The following GPI variants were observed in gnomAD, a reference collection of about 807,000 sequenced individuals.
GPI encodes the protein glucose-6-phosphate isomerase, also known as D-hexose-6-phosphate anomerase.
Under a neutral mutation model 75.8 loss-of-function variants are expected in GPI, and 56 were observed. The ratio of observed to expected loss-of-function variants is 0.74; its 90% confidence interval spans 0.60 to 0.92. The LOEUF is 0.92. Ranked by LOEUF, GPI falls within the 40% of genes least tolerant of loss-of-function variation. The probability of loss-of-function intolerance (pLI) is 0.00; values close to 1 mark genes in which losing one functional copy is unlikely to be tolerated. For synonymous variants in GPI, 288 were observed against 285.4 expected (o/e 1.01, Z -0.09); for missense variants, 638 against 741.0 (o/e 0.86, Z 1.61).
At chr19:34,383,129 C>T (rs1374162267) in intron 9 of GPI, among the ~76,000 whole-genome samples, 4 of 152,052 alleles carry the variant, frequency 2.6e-5, no homozygotes, top group African/African-American at 4.8e-5. Context: ...TTTGCGGCAG[C>T]CATGGGTGTC....
Position 34,365,362 on chromosome 19 carries a change from CA to C in GPI, c.98del (p.Asn33ThrfsTer10). On this transcript the variant is annotated frameshift_variant, in exon 1 of 18. Coordinates refer to ENST00000356487, the MANE Select transcript of GPI (RefSeq NM_000175.5). LOFTEE classifies it high-confidence loss of function. ...ELNLRRLFDANKDRFNHFSLT... is the reference protein window; with the variant it reads ...ELNLRRLFDAXKDRFNHFSLT... ...TGAACCTGCGCCGCCTCTTCGATGC[CA>C]ACAAGGACCGCTTCAACCACTTCAG... 1 of 1,589,898 alleles carries C rather than the reference CA, an allele frequency of 6.3e-7. No homozygotes were observed. The highest frequency in any genetic ancestry group is 8.5e-7 in the Non-Finnish European group (1 of 1,170,218).
intron 9 of GPI, among the ~76,000 whole-genome samples, chr19:34,391,110 T>C (rs922036673): frequency 2.7e-5 from 4 of 150,408 alleles, no homozygotes; most frequent in Admixed American, 2.0e-4. Context: ...TGGACTCAGG[T>C]TTGAGGCCCT....
In GPI at chr19:34,377,594, GA is replaced by G; in HGVS notation, c.486+12del. On this transcript the variant is annotated intron_variant, in intron 5 of 17. Coordinates refer to ENST00000356487, the MANE Select transcript of GPI (RefSeq NM_000175.5). ...ATTGGCGGCTCCGACCTGGTGAGGA[GA>G]AAACTGCCTTGGGGTAGGGTGGGAG... The G allele has an allele frequency of 6.2e-7, 1 of 1,610,352 alleles. No individual in the cohort carries two copies. Among genetic ancestry groups the G allele is most frequent in the Non-Finnish European group, 8.5e-7 (1 of 1,176,846 alleles).
chr19:34,367,899 G>A (rs996422033), intron 3 of GPI, among the ~76,000 whole-genome samples: 1 of 152,208 alleles, frequency 6.6e-6, no homozygotes, highest in African/African-American at 2.4e-5. Flanking sequence ...GGCTTCATGA[G>A]CACTCATCTT....
At chr19:34,382,724 A>G (rs1397397389) in intron 9 of GPI, among the ~76,000 whole-genome samples, 1 of 151,902 alleles carries the variant, frequency 6.6e-6, no homozygotes, top group East Asian at 1.9e-4. Flanking sequence ...GCTTGTCACC[A>G]CCCAGCATGT....
intron 1 of GPI, 48 bp from the exon 2 acceptor site, chr19:34,366,297 C>T (rs771274643): frequency 2.4e-5 from 30 of 1,232,772 alleles, no homozygotes; most frequent in South Asian, 4.8e-5. Context: ...CATGGCTCCC[C>T]GCTAGGGAGA....
At chr19:34,379,606 C>A (rs778268746) in intron 8 of GPI, 44 bp downstream of exon 8, 2 of 1,463,062 alleles carry the variant, frequency 1.4e-6, no homozygotes, top group African/African-American at 1.4e-5. Context: ...CTGGGAGTGC[C>A]CAGCATGTCC....
At chr19:34,398,323 G>A (rs145394583) in intron 14 of GPI, 1,849 of 152,324 alleles carry the variant, frequency 0.012, 22 homozygotes, top group Non-Finnish European at 0.017. Context: ...GTGCAGAGCA[G>A]CACAGGGTTA....
chr19:34,361,282 G>A (rs148437944), upstream of GPI, among the ~76,000 whole-genome samples: 944 of 151,896 alleles, frequency 6.2e-3, 8 homozygotes, highest in African/African-American at 0.021. Flanking sequence ...TAGTAGAGAC[G>A]GGGGTTTCAC....
intron 9 of GPI, among the ~76,000 whole-genome samples, chr19:34,385,032 CAAA>C (rs745653788): frequency 6.2e-5 from 4 of 64,642 alleles, no homozygotes; most frequent in Middle Eastern, 0.01. Flanking sequence ...AGACTATCTC[CAAA>C]AAAAAAAAAA....
chr19:34,370,454 C>G (rs1041932446), intron 4 of GPI, among the ~76,000 whole-genome samples: 1 of 152,162 alleles, frequency 6.6e-6, no homozygotes, highest in African/African-American at 2.4e-5. Flanking sequence ...TGCAGTGGCT[C>G]ACGCCTGTAA....
intron 9 of GPI, among the ~76,000 whole-genome samples, chr19:34,388,201 G>T (rs913512094): frequency 6.6e-6 from 1 of 152,222 alleles, no homozygotes; most frequent in African/African-American, 2.4e-5. Flanking sequence ...AAGTTGCCAG[G>T]CGCAGTGGCT....
chr19:34,370,094 G>C (rs1283586189), intron 4 of GPI, among the ~76,000 whole-genome samples: 1 of 152,206 alleles, frequency 6.6e-6, no homozygotes, highest in Non-Finnish European at 1.5e-5. Context: ...TATGTAAGCA[G>C]TGTCCGTGTG....
chr19:34,389,008 A>C (rs556852618), intron 9 of GPI, among the ~76,000 whole-genome samples: 84 of 152,042 alleles, frequency 5.5e-4, no homozygotes, highest in Middle Eastern at 3.4e-3. Context: ...TGGGAGGATC[A>C]CTTGAGCCCA....
intron 9 of GPI, among the ~76,000 whole-genome samples, chr19:34,383,443 C>T (rs941477258): frequency 6.6e-6 from 1 of 152,066 alleles, no homozygotes; most frequent in African/African-American, 2.4e-5. Flanking sequence ...CAGGTGTGCA[C>T]GCTGGGATCT....
At chr19:34,379,985 G>GT (rs1356302354) in intron 8 of GPI, 4,019 of 127,806 alleles carry the variant, frequency 0.031, 818 homozygotes, top group East Asian at 0.07. Context: ...AGTGTGTGTG[G>GT]TTTTGTTTTT....
At chr19:34,396,503 G>A in intron 13 of GPI, 73 bp downstream of exon 13, 1 of 1,612,414 alleles carries the variant, frequency 6.2e-7, no homozygotes, top group East Asian at 2.2e-5. Context: ...ATCTCACTTA[G>A]GTCAGTGCCC....
intron 4 of GPI, 146 bp from the exon 5 acceptor site, chr19:34,377,357 A>ATATATATATATATG (rs1302947467): frequency 6.1e-6 from 2 of 326,968 alleles, no homozygotes; most frequent in African/African-American, 5.1e-5. Context: ...ATATATATAT[A>ATATATATATATATG]TGGTAAATTA....
At chr19:34,361,247 C>G (rs61478662), upstream of GPI, among the ~76,000 whole-genome samples, 2,906 of 152,162 alleles carry the variant, frequency 0.019, 103 homozygotes, top group African/African-American at 0.066. Flanking sequence ...CCCGCCACCA[C>G]GTCCAGCTAA....
Sources: allele counts gnomAD v4.1 joint callset (sites outside exome capture counted in the v4.1 genomes callset), GRCh38; gene constraint gnomAD v4.1.1; transcripts MANE v1.5; gene names NCBI Gene and HGNC (gene_info 2026-07-23, HGNC 2026-07-21).